The following ARMH4 variants were observed in gnomAD, a reference collection of about 807,000 sequenced individuals.
ARMH4 encodes armadillo-like helical domain-containing protein 4.
In ARMH4, 49 loss-of-function variants were observed where a neutral mutation model predicts 61.9. The observed-to-expected ratio is 0.79, with a 90% CI of 0.63 to 1.00. The LOEUF is 1.00. Among genes scored for constraint, ARMH4 ranks in the 50% least tolerant of loss-of-function variants. The pLI, the probability that ARMH4 is intolerant of heterozygous loss-of-function variation, is 0.00. For missense variants in ARMH4, 934 were observed against 930.0 expected (o/e 1.00, Z -0.06); for synonymous variants, 368 against 341.5 (o/e 1.08, Z -0.85).
chr14:58,079,433 C>A (rs922937918), intron 5 of ARMH4, among the ~76,000 whole-genome samples: 1 of 152,164 alleles, frequency 6.6e-6, no homozygotes, highest in Non-Finnish European at 1.5e-5. Flanking sequence ...AGATAACTAA[C>A]CCACTCCTAT....
At chr14:58,024,741 C>T (rs779412667) in intron 5 of ARMH4, among the ~76,000 whole-genome samples, 1 of 152,108 alleles carries the variant, frequency 6.6e-6, no homozygotes, top group African/African-American at 2.4e-5. Flanking sequence ...CACTTGAACA[C>T]CTAGAGGCCA....
At chr14:58,097,018 TAATGA>T in intron 4 of ARMH4, 37 bp from the exon 5 acceptor site, 1 of 1,592,806 alleles carries the variant, frequency 6.3e-7, no homozygotes, top group Non-Finnish European at 8.6e-7. Context: ...CATAAACATA[TAATGA>T]GTTTATGCTG....
chr14:58,022,859 A>G (rs1011175551), intron 5 of ARMH4, among the ~76,000 whole-genome samples: 1 of 152,220 alleles, frequency 6.6e-6, no homozygotes, highest in South Asian at 2.1e-4. Flanking sequence ...ATCATAAAGC[A>G]AATGCTGCAA....
At chr14:58,052,961 A>G (rs933986673) in intron 5 of ARMH4, among the ~76,000 whole-genome samples, 1 of 152,012 alleles carries the variant, frequency 6.6e-6, no homozygotes, top group Non-Finnish European at 1.5e-5. Flanking sequence ...GCACACCTGC[A>G]TCATCCAGAA....
At position 58,051,158 on chromosome 14, in the gene ARMH4, A is replaced by G. The variant is rs1289707940; in HGVS notation, c.2090-39008T>C. Among the ~76,000 whole-genome samples, 3 of 151,668 alleles carry G rather than the reference A, an allele frequency of 2.0e-5. No homozygotes were observed. The East Asian group carries it at 5.8e-4, about 29-fold the overall frequency. ...ACTATTTGTTCTTATGTTCTTGCCA[A>G]TGATCATCAACGATACAAAATCTGT... On this transcript the variant is annotated intron_variant, in intron 5 of 7. Transcript: ENST00000267485.
chr14:58,065,518 A>G (rs773754067), intron 5 of ARMH4, among the ~76,000 whole-genome samples: 3 of 152,228 alleles, frequency 2.0e-5, no homozygotes, highest in Non-Finnish European at 2.9e-5. Flanking sequence ...TCATGCCTAC[A>G]CTGTCCTTAA....
At chr14:58,129,348 C>T (rs1166819460) in intron 4 of ARMH4, among the ~76,000 whole-genome samples, 1 of 152,110 alleles carries the variant, frequency 6.6e-6, no homozygotes, top group African/African-American at 2.4e-5. Context: ...AAAGGATGTC[C>T]CTTTCCAAAT....
At chr14:58,045,683 C>T (rs1883914149) in intron 5 of ARMH4, among the ~76,000 whole-genome samples, 1 of 151,382 alleles carries the variant, frequency 6.6e-6, no homozygotes, top group Non-Finnish European at 1.5e-5. Flanking sequence ...ATGGCTTAAC[C>T]CTCAGTCCCT....
intron 1 of ARMH4, among the ~76,000 whole-genome samples, chr14:58,144,890 T>A (rs1328974602): frequency 1.3e-5 from 2 of 151,606 alleles, no homozygotes; most frequent in Non-Finnish European, 2.9e-5. Flanking sequence ...ACAAAAAAAA[T>A]ATGATAGCTG....
At chr14:58,099,311 G>A (rs1885871461) in intron 4 of ARMH4, among the ~76,000 whole-genome samples, 1 of 152,196 alleles carries the variant, frequency 6.6e-6, no homozygotes, top group South Asian at 2.1e-4. Context: ...ACATTCCCGG[G>A]CAAAGCCACC....
chr14:58,055,994 G>T (rs1884334132), intron 5 of ARMH4, among the ~76,000 whole-genome samples: 1 of 152,182 alleles, frequency 6.6e-6, no homozygotes, highest in East Asian at 1.9e-4. Context: ...AAAGGCTAAA[G>T]GATTTAAAAA....
chr14:58,056,663 G>A (rs530194157), intron 5 of ARMH4, among the ~76,000 whole-genome samples: 13 of 152,208 alleles, frequency 8.5e-5, no homozygotes, highest in Admixed American at 4.6e-4. Flanking sequence ...TGCAAGCCTC[G>A]GGCTGAAGTA....
chr14:58,080,645 A>G (rs968646819), intron 5 of ARMH4, among the ~76,000 whole-genome samples: 1 of 152,138 alleles, frequency 6.6e-6, no homozygotes, highest in Non-Finnish European at 1.5e-5. Context: ...TACTATACTC[A>G]CCACCTGGGT....
chr14:58,094,145 T>A (rs975061882), intron 5 of ARMH4, among the ~76,000 whole-genome samples: 1 of 151,518 alleles, frequency 6.6e-6, no homozygotes, highest in Admixed American at 6.6e-5. Flanking sequence ...GCCTAGCCAA[T>A]ATGGTGAAAC....
At chr14:58,101,534 A>G (rs2141271896) in intron 4 of ARMH4, 1 of 152,374 alleles carries the variant, frequency 6.6e-6, no homozygotes, top group Admixed American at 6.5e-5. Context: ...GTTCACTGCC[A>G]AAAATCTTAA....
Position 58,138,700 on chromosome 14 carries a change from G to A in ARMH4, c.659C>T (p.Pro220Leu). ...GTCTGCTTCAAATTTCTCAGTCTTT[G>A]GATTGGTGGTTAGCATTTCCTTAGT... ...VNTKEMLTTN[P>L]KTEKFEADTD... Residue 220 changes from proline to leucine, a missense_variant, in exon 2 of 8, where the codon CCA becomes CTA. Pro to Leu is a moderately conservative substitution (Grantham distance 98). Transcript: ENST00000267485. The A allele has an allele frequency of 6.2e-7, 1 of 1,614,136 alleles. No individual in the cohort carries two copies. The highest frequency in any genetic ancestry group is 8.5e-7 in the Non-Finnish European group (1 of 1,180,044).
intron 5 of ARMH4, among the ~76,000 whole-genome samples, chr14:58,065,337 C>T (rs908201211): frequency 1.3e-5 from 2 of 152,168 alleles, no homozygotes; most frequent in Non-Finnish European, 2.9e-5. Flanking sequence ...CAGGGAGATA[C>T]CTCAAATCAG....
intron 5 of ARMH4, among the ~76,000 whole-genome samples, chr14:58,082,186 A>G (rs887216246): frequency 6.6e-6 from 1 of 152,006 alleles, no homozygotes; most frequent in African/African-American, 2.4e-5. Context: ...TCCCAAGAAC[A>G]CTCTGGGTTT....
At chr14:58,069,981 A>G (rs1884830763) in intron 5 of ARMH4, among the ~76,000 whole-genome samples, 1 of 152,200 alleles carries the variant, frequency 6.6e-6, no homozygotes, top group Non-Finnish European at 1.5e-5. Flanking sequence ...AACATCAGTA[A>G]AGAGGCTCCT....
Sources: allele counts gnomAD v4.1 joint callset (sites outside exome capture counted in the v4.1 genomes callset), GRCh38; gene constraint gnomAD v4.1.1; transcripts MANE v1.5; gene names NCBI Gene and HGNC (gene_info 2026-07-23, HGNC 2026-07-21).